The following POC1B variants were observed in gnomAD, a reference collection of about 807,000 sequenced individuals.
The protein encoded by POC1B is POC1 centriolar protein homolog B.
A neutral mutation model predicts 60.6 loss-of-function variants in POC1B; 44 were observed. The observed-to-expected ratio is 0.73, with a 90% CI of 0.57 to 0.93. POC1B has a LOEUF of 0.93. POC1B is among the 40% of genes least tolerant of loss of function. The probability of loss-of-function intolerance (pLI) is 0.00; values close to 1 mark genes in which losing one functional copy is unlikely to be tolerated. For synonymous variants in POC1B, 180 were observed against 198.9 expected, an observed-to-expected ratio of 0.90 and a Z score of 0.80; for missense variants, 555 against 572.3, an observed-to-expected ratio of 0.97 and a Z score of 0.31.
At chr12:89,492,352 A>C (rs1006816554) in intron 3 of POC1B, among the ~76,000 whole-genome samples, 1 of 152,190 alleles carries the variant, frequency 6.6e-6, no homozygotes, top group African/African-American at 2.4e-5. Context: ...TAGAAAAACA[A>C]AAGATGGGGA....
chr12:89,422,258 T>TA (rs1880572372), intron 11 of POC1B, among the ~76,000 whole-genome samples: 1 of 152,212 alleles, frequency 6.6e-6, no homozygotes. Flanking sequence ...TCCTGACCTT[T>TA]ACAATGATTG....
chr12:89,426,684 T>G (rs546344077), intron 10 of POC1B: 1 of 151,954 alleles, frequency 6.6e-6, no homozygotes, highest in African/African-American at 2.4e-5. Flanking sequence ...ATTAGCCAGG[T>G]GTGGTGGTAC....
chr12:89,417,097 C>T (rs1880377014), downstream of POC1B, among the ~76,000 whole-genome samples: 1 of 152,152 alleles, frequency 6.6e-6, no homozygotes, highest in African/African-American at 2.4e-5. Flanking sequence ...ATTGAACTTC[C>T]TATTTTCTTC....
rs1457032726 is a variant in POC1B, at chr12:89,497,340, T to C, written c.103A>G (p.Thr35Ala). 1.2e-6 allele frequency: 2 copies of C among 1,610,432 alleles called. No individual in the cohort carries two copies. Among genetic ancestry groups the C allele is most frequent in the Non-Finnish European group, 1.7e-6 (2 of 1,178,802 alleles). ...DLSPNGKQLA[T>A]ASWDTFLMLW... ...ATGAGAAAGGTATCCCAAGAAGCAGTAGCTATCAAGAAATAGAAGAACAAA... is the reference window on the plus strand; with the variant it reads ...ATGAGAAAGGTATCCCAAGAAGCAGCAGCTATCAAGAAATAGAAGAACAAA... The change falls in exon 3 of 12, where the codon ACT becomes GCT. Residue 35 changes from threonine to alanine, a missense_variant and splice_region_variant. By Grantham distance (58) the Thr-to-Ala change is moderately conservative. Transcript: ENST00000313546.
At chr12:89,473,777 T>A (rs1268726223) in intron 4 of POC1B, among the ~76,000 whole-genome samples, 1 of 152,032 alleles carries the variant, frequency 6.6e-6, no homozygotes, top group African/African-American at 2.4e-5. Flanking sequence ...ATATTTTCTT[T>A]CAGAAAATGT....
rs1432721295 is a variant in POC1B, at chr12:89,420,959, C to T, written c.*194G>A. The T allele has an allele frequency of 6.8e-6, 3 of 440,616 alleles. No individual in the cohort carries two copies. The highest frequency in any genetic ancestry group is 8.1e-6 in the Non-Finnish European group (2 of 246,470). The allele number at this position is 440,616 out of a possible 1,614,324, so 27.3% of individuals were successfully genotyped here. ...GATAGTAATTTAAATTAGTCCTTCACATTGATATGTGTTTAAATTAGTCCT... is the reference window on the plus strand; with the variant it reads ...GATAGTAATTTAAATTAGTCCTTCATATTGATATGTGTTTAAATTAGTCCT... On this transcript the variant is annotated 3_prime_UTR_variant, in exon 12 of 12. Transcript: ENST00000313546.
intron 2 of POC1B, chr12:89,524,087 T>A: frequency 6.2e-7 from 1 of 1,613,982 alleles, no homozygotes; most frequent in Non-Finnish European, 8.5e-7. Context: ...ACACTGTGAA[T>A]GGTACGGAGC....
intron 2 of POC1B, among the ~76,000 whole-genome samples, chr12:89,518,970 A>G (rs1366080417): frequency 2.6e-5 from 4 of 152,150 alleles, no homozygotes; most frequent in African/African-American, 7.2e-5. Context: ...AAGGAGAGAC[A>G]GGGGTATAGG....
At chr12:89,512,678 C>T (rs890134093) in intron 2 of POC1B, among the ~76,000 whole-genome samples, 1 of 152,196 alleles carries the variant, frequency 6.6e-6, no homozygotes, top group East Asian at 1.9e-4. Flanking sequence ...GCGGCTGGAG[C>T]TTGACCAGGA....
At chr12:89,519,781 T>C (rs959363239) in intron 2 of POC1B, 1 of 141,612 alleles carries the variant, frequency 7.1e-6, no homozygotes, top group African/African-American at 2.7e-5. Context: ...TTTTGAGTTA[T>C]AGGGATCCTC....
chr12:89,478,022 C>T (rs1883183433), intron 4 of POC1B, among the ~76,000 whole-genome samples: 1 of 152,210 alleles, frequency 6.6e-6, no homozygotes, highest in Admixed American at 6.5e-5. Flanking sequence ...CCTTCCTGAA[C>T]ACTGTCACCA....
intron 10 of POC1B, among the ~76,000 whole-genome samples, chr12:89,439,132 T>C (rs946009295): frequency 7.9e-5 from 12 of 152,190 alleles, no homozygotes; most frequent in Non-Finnish European, 1.3e-4. Flanking sequence ...GACTACTGAC[T>C]TTTTCTTTTA....
At chr12:89,523,387 T>C (rs1001588898) in intron 2 of POC1B, 1 of 1,614,080 alleles carries the variant, frequency 6.2e-7, no homozygotes, top group Non-Finnish European at 8.5e-7. Flanking sequence ...TTTGTATTCA[T>C]CCATCCAAAC....
At chr12:89,407,427 G>A in the POC1B span, among the ~76,000 whole-genome samples, 1 of 151,810 alleles carries the variant, frequency 6.6e-6, no homozygotes, top group African/African-American at 2.4e-5. Context: ...AGTAGAGACG[G>A]GGGTTTCACC....
intron 2 of POC1B, among the ~76,000 whole-genome samples, chr12:89,506,581 A>T (rs1190920468): frequency 6.6e-6 from 1 of 152,230 alleles, no homozygotes; most frequent in Non-Finnish European, 1.5e-5. Flanking sequence ...GAGCATTCCA[A>T]GAGGGTGACA....
chr12:89,464,477 A>G (rs1882597247), intron 9 of POC1B, among the ~76,000 whole-genome samples: 2 of 140,862 alleles, frequency 1.4e-5, no homozygotes, highest in South Asian at 2.2e-4. Context: ...TGACTTTTTT[A>G]TAAGAGTTTT....
At chr12:89,448,820 G>A (rs1191475041) in intron 10 of POC1B, among the ~76,000 whole-genome samples, 1 of 152,210 alleles carries the variant, frequency 6.6e-6, no homozygotes, top group African/African-American at 2.4e-5. Context: ...TGTGTGTGAT[G>A]AAGTCTGGTG....
At chr12:89,524,690 C>A (rs887272219) in intron 2 of POC1B, 3 of 870,134 alleles carry the variant, frequency 3.4e-6, no homozygotes, top group Non-Finnish European at 5.3e-6. Context: ...TCCAGCCACC[C>A]AGGCTTTCCA....
chr12:89,448,062 T>G (rs1881864686), intron 10 of POC1B, among the ~76,000 whole-genome samples: 1 of 152,110 alleles, frequency 6.6e-6, no homozygotes, highest in African/African-American at 2.4e-5. Flanking sequence ...TATCACGGAC[T>G]TGGGCTTTCT....
Sources: gnomAD v4.1 joint callset for allele counts (sites outside exome capture counted in the v4.1 genomes callset) on GRCh38, gnomAD v4.1.1 for gene constraint, MANE v1.5 for transcripts, NCBI Gene and HGNC (gene_info 2026-07-23, HGNC 2026-07-21) for gene names.